KDM4C: variants seen among roughly 807,000 people sequenced by gnomAD.
KDM4C encodes lysine demethylase 4C.
Under a neutral mutation model 129.3 loss-of-function variants are expected in KDM4C, and 81 were observed. The observed-to-expected ratio is 0.63, with a 90% CI of 0.52 to 0.75. The LOEUF is 0.75. Among genes scored for constraint, KDM4C ranks in the 30% least tolerant of loss-of-function variants. KDM4C has a pLI of 0.00. For missense variants in KDM4C, 1,457 were observed against 1,304.0 expected, an observed-to-expected ratio of 1.12 and a Z score of -1.81; for synonymous variants, 573 against 456.1, an observed-to-expected ratio of 1.26 and a Z score of -3.26.
intron 9 of KDM4C, among the ~76,000 whole-genome samples, chr9:6,981,645 A>T (rs962427919): frequency 2.0e-5 from 3 of 152,152 alleles, no homozygotes; most frequent in Non-Finnish European, 4.4e-5. Context: ...TGTGAACTTT[A>T]TTCTCCATTC....
In KDM4C at chr9:6,979,184, A is replaced by T. The variant is rs115895243; in HGVS notation, c.922-1741A>T. Among the ~76,000 whole-genome samples the T allele has an allele frequency of 7.6e-3, 1,152 of 152,354 alleles. 10 individuals carry two copies. Among genetic ancestry groups the T allele is most frequent in the African/African-American group, 0.027 (1,113 of 41,578 alleles). On this transcript the variant is annotated intron_variant, in intron 8 of 21. Coordinates refer to ENST00000381309, the MANE Select transcript of KDM4C (RefSeq NM_015061.6). Reference sequence around the variant, plus strand: ...CCTTTTGTCAAAAGATTACATCTTAATCCAAAATATCTTTCAATTTCTCAG... The same window carrying T: ...CCTTTTGTCAAAAGATTACATCTTATTCCAAAATATCTTTCAATTTCTCAG...
chr9:7,022,813 T>C (rs1334222951), intron 15 of KDM4C, among the ~76,000 whole-genome samples: 1 of 152,140 alleles, frequency 6.6e-6, no homozygotes, highest in African/African-American at 2.4e-5. Context: ...TATTGTGTTG[T>C]GGTATGTACC....
chr9:6,904,077 G>A (rs1175318724), intron 8 of KDM4C, among the ~76,000 whole-genome samples: 6 of 151,790 alleles, frequency 4.0e-5, no homozygotes, highest in Admixed American at 3.3e-4. Flanking sequence ...TCATGTCTGC[G>A]AAAAATACAA....
At chr9:7,053,078 G>A (rs1484909767) in intron 17 of KDM4C, among the ~76,000 whole-genome samples, 2 of 152,188 alleles carry the variant, frequency 1.3e-5, no homozygotes, top group South Asian at 2.1e-4. Flanking sequence ...AACAACACTA[G>A]TATAAAGCTA....
chr9:6,818,454 G>A (rs1018572661), intron 4 of KDM4C, among the ~76,000 whole-genome samples: 1 of 152,236 alleles, frequency 6.6e-6, no homozygotes, highest in Non-Finnish European at 1.5e-5. Context: ...GCACATGTGT[G>A]ATAAAGGTGA....
intron 15 of KDM4C, among the ~76,000 whole-genome samples, chr9:7,031,336 T>A (rs924192251): frequency 6.6e-6 from 1 of 151,932 alleles, no homozygotes; most frequent in Non-Finnish European, 1.5e-5. Context: ...GTTTTTTGTA[T>A]TTTTAGTAGA....
intron 4 of KDM4C, among the ~76,000 whole-genome samples, chr9:6,820,844 A>G (rs1251801767): frequency 2.0e-5 from 3 of 151,174 alleles, no homozygotes; most frequent in Non-Finnish European, 2.9e-5. Context: ...CACAGTAGAT[A>G]TTTCTCCTAA....
intron 18 of KDM4C, among the ~76,000 whole-genome samples, chr9:7,115,755 G>T (rs1465023274): frequency 6.6e-6 from 1 of 152,194 alleles, no homozygotes; most frequent in African/African-American, 2.4e-5. Flanking sequence ...CAAAAGTCTG[G>T]ATTAGCTCAA....
chr9:7,062,948 A>C (rs768129003), intron 17 of KDM4C, among the ~76,000 whole-genome samples: 1 of 152,162 alleles, frequency 6.6e-6, no homozygotes, highest in Non-Finnish European at 1.5e-5. Context: ...TACAGAATAT[A>C]TATGAAAATT....
intron 1 of KDM4C, chr9:6,723,760 T>C (rs934885168): frequency 6.6e-6 from 1 of 152,096 alleles, no homozygotes; most frequent in Non-Finnish European, 1.5e-5. Flanking sequence ...TACCATGACC[T>C]ACCAGATTTC....
chr9:6,727,895 G>A (rs920047914), intron 1 of KDM4C, among the ~76,000 whole-genome samples: 2 of 151,166 alleles, frequency 1.3e-5, no homozygotes, highest in African/African-American at 4.9e-5. Context: ...TATTCACCCA[G>A]TAAACCCCAA....
intron 3 of KDM4C, 50 bp from the exon 4 acceptor site, chr9:6,814,581 C>T (rs750692911): frequency 3.3e-6 from 4 of 1,206,312 alleles, no homozygotes; most frequent in African/African-American, 1.5e-5. Flanking sequence ...TGGGAAAAAC[C>T]CTAAAACTGA....
Position 6,868,208 on chromosome 9 carries a change from C to G in KDM4C, c.630-11804C>G, listed in dbSNP as rs565934281. Among the ~76,000 whole-genome samples, 178 of 151,938 alleles carry G rather than the reference C, an allele frequency of 1.2e-3. 1 individual carries two copies. Among genetic ancestry groups the G allele is most frequent in the African/African-American group, 4.2e-3 (172 of 41,424 alleles). ...AAAGAACTCAGCTCGAGCTTTGCCT[C>G]TCCCTTACGCCACTGGTGGCCCATT... On this transcript the variant is annotated intron_variant, in intron 5 of 21. Coordinates refer to ENST00000381309, the MANE Select transcript of KDM4C (RefSeq NM_015061.6).
chr9:6,996,259 A>AGAAC (rs1385077663), intron 12 of KDM4C, among the ~76,000 whole-genome samples: 1 of 152,224 alleles, frequency 6.6e-6, no homozygotes, highest in Non-Finnish European at 1.5e-5. Context: ...CGCCAACTCC[A>AGAAC]GAACTTCCCT....
intron 1 of KDM4C, among the ~76,000 whole-genome samples, chr9:6,783,236 T>C (rs999220578): frequency 5.3e-5 from 8 of 152,194 alleles, no homozygotes; most frequent in Non-Finnish European, 1.5e-5. Flanking sequence ...TTTCCTGCAC[T>C]TGTAAGCTCT....
chr9:6,944,689 G>C (rs1229095703), intron 8 of KDM4C, among the ~76,000 whole-genome samples: 1 of 89,170 alleles, frequency 1.1e-5, no homozygotes, highest in East Asian at 4.8e-4. Context: ...CTGTGCAACA[G>C]GGGAAACAGC....
intron 12 of KDM4C, among the ~76,000 whole-genome samples, chr9:7,005,014 T>C (rs2132071930): frequency 6.6e-6 from 1 of 152,274 alleles, no homozygotes; most frequent in East Asian, 1.9e-4. Flanking sequence ...CCAGCGAGAC[T>C]CACATTTATT....
chr9:6,852,409 C>T (rs1279880319), intron 5 of KDM4C, among the ~76,000 whole-genome samples: 1 of 152,114 alleles, frequency 6.6e-6, no homozygotes, highest in Non-Finnish European at 1.5e-5. Flanking sequence ...CCTTCACTCC[C>T]CCAAGTCACA....
In KDM4C at chr9:6,741,894, A is replaced by T. The variant is rs1431298633; in HGVS notation, c.49+20897A>T. ...GTTAAGCATTTTAAAATGTTGTTACACACACACACACACACAAATACAGTT... is the reference window on the plus strand; with the variant it reads ...GTTAAGCATTTTAAAATGTTGTTACTCACACACACACACACAAATACAGTT... On this transcript the variant is annotated intron_variant, in intron 1 of 17. Coordinates refer to the KDM4C transcript ENST00000536108. Among the ~76,000 whole-genome samples the T allele has an allele frequency of 1.6e-4, 4 of 25,786 alleles. No individual in the cohort carries two copies. The South Asian group carries it at 0.011, about 74-fold the overall frequency. 16.9% of individuals were successfully genotyped at this position (25,786 alleles called of 152,430 possible).
Sources: gnomAD v4.1 joint callset for allele counts (sites outside exome capture counted in the v4.1 genomes callset) on GRCh38, gnomAD v4.1.1 for gene constraint, MANE v1.5 for transcripts, NCBI Gene and HGNC (gene_info 2026-07-23, HGNC 2026-07-21) for gene names.